The following RIT2 variants were observed in gnomAD, a reference collection of about 807,000 sequenced individuals.
RIT2 encodes GTP-binding protein Rit2.
RIT2 carries 24 observed loss-of-function variants against 23.7 expected under a neutral mutation model. That is an observed-to-expected ratio of 1.01 (90% CI 0.73 to 1.43). The LOEUF (loss-of-function observed/expected upper bound fraction) is 1.43, where lower values mean the gene tolerates loss of function less well. Among genes scored for constraint, RIT2 ranks in the 40% most tolerant of loss-of-function variants. The pLI is 0.00. For synonymous variants in RIT2, 107 were observed against 91.1 expected, an observed-to-expected ratio of 1.17 and a Z score of -0.99; for missense variants, 236 against 266.9, an observed-to-expected ratio of 0.88 and a Z score of 0.81.
chr18:42,947,466 T>C (rs1909754530), intron 3 of RIT2, among the ~76,000 whole-genome samples: 1 of 152,136 alleles, frequency 6.6e-6, no homozygotes, highest in South Asian at 2.1e-4. Context: ...TTCAGTGTTT[T>C]GCTTTGGATT....
At chr18:42,938,788 G>A (rs1909524372) in intron 3 of RIT2, among the ~76,000 whole-genome samples, 2 of 152,074 alleles carry the variant, frequency 1.3e-5, no homozygotes, top group Non-Finnish European at 2.9e-5. Context: ...GCCCAGGGTG[G>A]AGTAGAGTGA....
chr18:42,881,348 A>G lies in RIT2; in HGVS notation c.426+42224T>C, dbSNP rs1907890025. On this transcript the variant is annotated intron_variant, in intron 4 of 4. Coordinates refer to ENST00000326695, the MANE Select transcript of RIT2 (RefSeq NM_002930.4). ...ATTTTTGCATGTCTTCTCTTATACT[A>G]ATAGATTCAAATTTTTACCCCTTCA... is the stretch of plus-strand genomic sequence containing the variant. 2.0e-5 allele frequency among the ~76,000 whole-genome samples: 3 copies of G among 152,186 alleles called. No homozygotes were observed. In the South Asian group the frequency reaches 6.2e-4, roughly 32 times the overall value.
chr18:42,750,236 C>A (rs1913014134), intron 4 of RIT2, among the ~76,000 whole-genome samples: 1 of 151,762 alleles, frequency 6.6e-6, no homozygotes, highest in Non-Finnish European at 1.5e-5. Flanking sequence ...TACACAATTA[C>A]ATTTTTCGAG....
intron 4 of RIT2, among the ~76,000 whole-genome samples, chr18:42,767,995 T>G (rs1240029327): frequency 2.0e-5 from 3 of 152,134 alleles, no homozygotes; most frequent in Admixed American, 1.3e-4. Context: ...TTCAAGTATG[T>G]CTTTATCAGC....
chr18:42,854,759 T>G (rs781210522), intron 4 of RIT2, among the ~76,000 whole-genome samples: 47 of 152,322 alleles, frequency 3.1e-4, no homozygotes, highest in Middle Eastern at 3.4e-3. Context: ...GATTAACAAC[T>G]TGATCATAAA....
At chr18:42,796,477 C>CACTATGG (rs1555638312) in intron 4 of RIT2, among the ~76,000 whole-genome samples, 1 of 152,072 alleles carries the variant, frequency 6.6e-6, no homozygotes, top group Non-Finnish European at 1.5e-5. Flanking sequence ...CCGGACACAG[C>CACTATGG]TGGGTGCTGT....
intron 2 of RIT2, among the ~76,000 whole-genome samples, chr18:43,024,596 C>A (rs759022748): frequency 2.0e-5 from 3 of 151,802 alleles, no homozygotes; most frequent in Non-Finnish European, 4.4e-5. Flanking sequence ...TTGAGCACAG[C>A]AAAATAAGTA....
chr18:42,795,412 A>G (rs979609197), intron 4 of RIT2, among the ~76,000 whole-genome samples: 16 of 152,204 alleles, frequency 1.1e-4, no homozygotes, highest in African/African-American at 2.9e-4. Context: ...GTCCCCTAGC[A>G]GTGCCAGCCC....
At chr18:43,047,684 G>A (rs1860012588) in intron 1 of RIT2, among the ~76,000 whole-genome samples, 1 of 152,140 alleles carries the variant, frequency 6.6e-6, no homozygotes, top group Non-Finnish European at 1.5e-5. Context: ...GAAGAAAAAG[G>A]AAGAAGTTTC....
intron 1 of RIT2, among the ~76,000 whole-genome samples, chr18:43,090,374 G>C (rs1418117691): frequency 1.3e-5 from 2 of 152,044 alleles, no homozygotes; most frequent in Admixed American, 6.6e-5. Flanking sequence ...AAAAATACCA[G>C]AGGCTGTTGG....
At chr18:42,954,578 A>G (rs1909929609) in intron 3 of RIT2, among the ~76,000 whole-genome samples, 1 of 152,014 alleles carries the variant, frequency 6.6e-6, no homozygotes, top group Admixed American at 6.6e-5. Flanking sequence ...CAAGCTCCAT[A>G]TAATGTAGAC....
At chr18:42,838,835 T>C (rs989518820) in intron 4 of RIT2, among the ~76,000 whole-genome samples, 3 of 152,184 alleles carry the variant, frequency 2.0e-5, no homozygotes, top group Non-Finnish European at 4.4e-5. Context: ...AGCTGTTATT[T>C]ACAACCAAAA....
chr18:43,113,288 A>T (rs1913994926), intron 1 of RIT2, among the ~76,000 whole-genome samples: 1 of 152,174 alleles, frequency 6.6e-6, no homozygotes, highest in Non-Finnish European at 1.5e-5. Flanking sequence ...TCCAGGTGTG[A>T]AATTGTAGTA....
chr18:43,040,042 G>T (rs1912090615), intron 1 of RIT2, among the ~76,000 whole-genome samples: 1 of 152,170 alleles, frequency 6.6e-6, no homozygotes, highest in South Asian at 2.1e-4. Flanking sequence ...ACTGTCACTG[G>T]ATACCAATTT....
At chr18:42,970,076 T>TAA (rs1910326578) in intron 3 of RIT2, among the ~76,000 whole-genome samples, 1 of 152,064 alleles carries the variant, frequency 6.6e-6, no homozygotes, top group Non-Finnish European at 1.5e-5. Flanking sequence ...GAGTAAAATG[T>TAA]AAATGGATTT....
chr18:42,763,478 G>A (rs1385989496), intron 4 of RIT2, among the ~76,000 whole-genome samples: 1 of 149,454 alleles, frequency 6.7e-6, no homozygotes, highest in Admixed American at 6.6e-5. Flanking sequence ...AAAAAAAAAG[G>A]TACACCTGTA....
At chr18:42,929,034 G>GATATATATAGATATATATATATAT (rs1555647356) in intron 3 of RIT2, among the ~76,000 whole-genome samples, 73 of 96,942 alleles carry the variant, frequency 7.5e-4, no homozygotes, top group Non-Finnish European at 1.3e-3. Context: ...AAAATATGGA[G>GATATATATAGATATATATATATAT]ATATATATAT....
In RIT2 at chr18:43,054,263, G is replaced by A. The variant is rs576860210; in HGVS notation, c.104-20396C>T. ...ACCTGAAGGTAGACAGGATTATGAT[G>A]GTCCCCAGATGAGGACAGAAAGAAT... On this transcript the variant is annotated intron_variant, in intron 1 of 4. Coordinates refer to ENST00000326695, the MANE Select transcript of RIT2 (RefSeq NM_002930.4). Among the ~76,000 whole-genome samples the A allele has an allele frequency of 9.9e-5, 15 of 152,122 alleles. No individual in the cohort carries two copies. The South Asian group carries it at 3.1e-3, about 32-fold the overall frequency.
chr18:42,801,201 T>C (rs1485370436), intron 4 of RIT2, among the ~76,000 whole-genome samples: 2 of 152,166 alleles, frequency 1.3e-5, no homozygotes, highest in Non-Finnish European at 2.9e-5. Context: ...CAAGCTTCAC[T>C]TCTAGTCTTT....
Sources: gnomAD v4.1 joint callset for allele counts (sites outside exome capture counted in the v4.1 genomes callset) on GRCh38, gnomAD v4.1.1 for gene constraint, MANE v1.5 for transcripts, NCBI Gene and HGNC (gene_info 2026-07-23, HGNC 2026-07-21) for gene names.